The following RNF2 variants were observed in gnomAD, a reference collection of about 807,000 sequenced individuals.
RNF2 encodes ring finger protein 2.
In RNF2, 6 loss-of-function variants were observed where a neutral mutation model predicts 37.2. That is an observed-to-expected ratio of 0.16 (90% CI 0.09 to 0.32). RNF2 has a LOEUF of 0.32. RNF2 is among the 10% of genes least tolerant of loss of function. The probability of loss-of-function intolerance (pLI) is 1.00; values close to 1 mark genes in which losing one functional copy is unlikely to be tolerated. For missense variants in RNF2, 251 were observed against 404.0 expected, an observed-to-expected ratio of 0.62 and a Z score of 3.25; for synonymous variants, 133 against 132.7, an observed-to-expected ratio of 1.00 and a Z score of -0.02.
chr1:185,086,312 A>G (rs1388247895), intron 1 of RNF2, among the ~76,000 whole-genome samples: 2 of 152,124 alleles, frequency 1.3e-5, no homozygotes, highest in Non-Finnish European at 2.9e-5. Context: ...TTTACTAAAT[A>G]TTAGGATGAC....
At chr1:185,077,129 T>G (rs984105731) in intron 1 of RNF2, among the ~76,000 whole-genome samples, 1 of 152,150 alleles carries the variant, frequency 6.6e-6, no homozygotes, top group African/African-American at 2.4e-5. Context: ...ATAGGAAAAC[T>G]GTAGCCTTTT....
At chr1:185,047,523 TA>T (rs1341740358) in intron 1 of RNF2, among the ~76,000 whole-genome samples, 1 of 152,228 alleles carries the variant, frequency 6.6e-6, no homozygotes, top group Non-Finnish European at 1.5e-5. Flanking sequence ...GTGTTTATAT[TA>T]TGCAGACTTT....
chr1:185,080,179 G>T (rs189346053), intron 1 of RNF2, among the ~76,000 whole-genome samples: 47 of 152,124 alleles, frequency 3.1e-4, no homozygotes, highest in African/African-American at 1.1e-3. Context: ...ATCCATTCTT[G>T]TTCTTTTCCT....
At chr1:185,075,191 G>A (rs1029844381) in intron 1 of RNF2, among the ~76,000 whole-genome samples, 5 of 151,740 alleles carry the variant, frequency 3.3e-5, no homozygotes, top group African/African-American at 7.3e-5. Context: ...ACGGGTTTTC[G>A]CCGTGTTGGC....
intron 1 of RNF2, among the ~76,000 whole-genome samples, chr1:185,067,401 T>A (rs1173763426): frequency 6.6e-6 from 1 of 152,204 alleles, no homozygotes; most frequent in Admixed American, 6.5e-5. Context: ...TTCTAAAATA[T>A]AACACCTGTA....
rs116183024 is a variant in RNF2, at chr1:185,062,668, C to G, written c.-3+17019C>G. Among the ~76,000 whole-genome samples, 71 of 151,828 alleles carry G rather than the reference C, an allele frequency of 4.7e-4. 1 individual carries two copies. Among genetic ancestry groups the G allele is most frequent in the Non-Finnish European group, 9.1e-4 (62 of 67,918 alleles). On this transcript the variant is annotated intron_variant, in intron 1 of 6. Coordinates refer to ENST00000367510, the MANE Select transcript of RNF2 (RefSeq NM_007212.4). ...GATAAAAGTTATGTACTGAAGAAGTCAAAGACAAAAGACAAAGCAGCAAAC... is the reference window on the plus strand; with the variant it reads ...GATAAAAGTTATGTACTGAAGAAGTGAAAGACAAAAGACAAAGCAGCAAAC...
chr1:185,061,108 G>A (rs932662305), intron 1 of RNF2, among the ~76,000 whole-genome samples: 4 of 149,794 alleles, frequency 2.7e-5, no homozygotes, highest in African/African-American at 7.4e-5. Context: ...GTGCTGGAGT[G>A]AGACCCTATT....
chr1:185,081,732 G>A (rs927829987), intron 1 of RNF2, among the ~76,000 whole-genome samples: 6 of 152,058 alleles, frequency 3.9e-5, no homozygotes, highest in Admixed American at 1.3e-4. Context: ...TGAAGCGTTG[G>A]TTGTGTGACG....
At chr1:185,053,285 C>T (rs1186848428) in intron 1 of RNF2, among the ~76,000 whole-genome samples, 2 of 151,942 alleles carry the variant, frequency 1.3e-5, no homozygotes, top group Non-Finnish European at 1.5e-5. Flanking sequence ...TATGTTGATC[C>T]ACATACTCCT....
intron 2 of RNF2, among the ~76,000 whole-genome samples, chr1:185,089,010 A>G (rs1007053134): frequency 5.1e-5 from 6 of 117,176 alleles, no homozygotes; most frequent in African/African-American, 2.0e-4. Context: ...AGCAGTCCCC[A>G]GGGACCAGTT....
chr1:185,060,026 C>T (rs1650553341), intron 1 of RNF2, among the ~76,000 whole-genome samples: 2 of 152,172 alleles, frequency 1.3e-5, no homozygotes, highest in Admixed American at 6.5e-5. Context: ...ACTGTGACTT[C>T]TTGCGTTGCC....
In RNF2 at chr1:185,100,792, T is replaced by A. The variant is rs960400555; in HGVS notation, c.*491T>A. 6.6e-6 allele frequency: 1 copy of A among 152,500 alleles called. No homozygotes were observed. The highest frequency in any genetic ancestry group is 1.5e-5 in the Non-Finnish European group (1 of 67,978). 9.4% of individuals were successfully genotyped at this position (152,500 alleles called of 1,614,324 possible). A position where few individuals can be genotyped will look rare whatever the true frequency, so the allele number is the denominator to read the frequency against. ...ATGAAGACCCAAGGCTCAAATTTACTGTCCTTAAAAACAATTCTCATAGGA... is the reference window on the plus strand; with the variant it reads ...ATGAAGACCCAAGGCTCAAATTTACAGTCCTTAAAAACAATTCTCATAGGA... On this transcript the variant is annotated 3_prime_UTR_variant, in exon 7 of 7. Coordinates refer to ENST00000367510, the MANE Select transcript of RNF2 (RefSeq NM_007212.4).
chr1:185,092,993 G>T, intron 3 of RNF2, 68 bp from the exon 4 acceptor site: 1 of 1,301,786 alleles, frequency 7.7e-7, no homozygotes, highest in Non-Finnish European at 1.1e-6. Context: ...TCCAGAAGCT[G>T]GGTATTTTTG....
intron 5 of RNF2, among the ~76,000 whole-genome samples, chr1:185,099,247 C>T (rs1225251431): frequency 6.6e-6 from 1 of 152,004 alleles, no homozygotes; most frequent in Non-Finnish European, 1.5e-5. Flanking sequence ...GGGGTTTCAC[C>T]ATGTTGGCCA....
intron 1 of RNF2, among the ~76,000 whole-genome samples, chr1:185,082,364 T>TTTTTTTTTTTTTTTTTTTTTTG (rs1173750596): frequency 8.7e-6 from 1 of 114,890 alleles, no homozygotes; most frequent in Non-Finnish European, 1.9e-5. Context: ...TTTTTTTTTT[T>TTTTTTTTTTTTTTTTTTTTTTG]TTTGAAGACA....
At chr1:185,092,326 A>G (rs56691510) in intron 3 of RNF2, among the ~76,000 whole-genome samples, 3,507 of 151,978 alleles carry the variant, frequency 0.023, 128 homozygotes, top group East Asian at 0.085. Context: ...ACAGGCGTGT[A>G]TCACCACGCC....
chr1:185,082,100 C>A (rs990719155), intron 1 of RNF2, among the ~76,000 whole-genome samples: 3 of 152,180 alleles, frequency 2.0e-5, no homozygotes, highest in African/African-American at 7.2e-5. Context: ...GAAGACAACA[C>A]TTAAAAATGG....
chr1:185,069,576 T>C (rs894492601), intron 1 of RNF2, among the ~76,000 whole-genome samples: 5 of 152,158 alleles, frequency 3.3e-5, no homozygotes, highest in African/African-American at 1.2e-4. Context: ...GACTGGTTTA[T>C]TGAGAGTCTG....
chr1:185,055,502 C>T (rs149283149), intron 1 of RNF2, among the ~76,000 whole-genome samples: 1,942 of 152,286 alleles, frequency 0.013, 35 homozygotes, highest in African/African-American at 0.044. Context: ...CTCACTGCAG[C>T]CTCCGCCTCC....
Sources: allele counts gnomAD v4.1 joint callset (sites outside exome capture counted in the v4.1 genomes callset), GRCh38; gene constraint gnomAD v4.1.1; transcripts MANE v1.5; gene names NCBI Gene and HGNC (gene_info 2026-07-23, HGNC 2026-07-21).